The following PLXNA2 variants were observed in gnomAD, a reference collection of about 807,000 sequenced individuals.
PLXNA2 encodes plexin A2.
PLXNA2 carries 91 observed loss-of-function variants against 193.5 expected under a neutral mutation model. The observed-to-expected ratio is 0.47, with a 90% CI of 0.40 to 0.56. The LOEUF is 0.56. PLXNA2 is among the 20% of genes least tolerant of loss of function. The pLI is 0.00. For missense variants in PLXNA2, 1,995 were observed against 2,503.2 expected (o/e 0.80, Z 4.33); for synonymous variants, 997 against 1,027.3 (o/e 0.97, Z 0.56).
intron 3 of PLXNA2, among the ~76,000 whole-genome samples, chr1:208,170,267 G>T (rs1669448638): frequency 6.6e-6 from 1 of 152,232 alleles, no homozygotes; most frequent in Non-Finnish European, 1.5e-5. Flanking sequence ...GAGACAGAGT[G>T]TCATTTATCT....
At chr1:208,170,996 G>A (rs1669478066) in intron 3 of PLXNA2, among the ~76,000 whole-genome samples, 1 of 152,230 alleles carries the variant, frequency 6.6e-6, no homozygotes, top group Non-Finnish European at 1.5e-5. Context: ...AGGGATATCA[G>A]TGGAGGCTGA....
At chr1:208,091,287 G>A (rs1571905338) in intron 9 of PLXNA2, among the ~76,000 whole-genome samples, 2 of 152,266 alleles carry the variant, frequency 1.3e-5, no homozygotes, top group East Asian at 3.9e-4. Context: ...AGAGTTCAAA[G>A]GGGTATGTGT....
intron 5 of PLXNA2, among the ~76,000 whole-genome samples, chr1:208,100,536 G>T (rs1469853237): frequency 2.0e-5 from 3 of 152,072 alleles, no homozygotes; most frequent in South Asian, 4.1e-4. Flanking sequence ...TTCCTCCAGA[G>T]AAATTTTTAA....
At chr1:208,138,996 C>T (rs1668387625) in intron 4 of PLXNA2, among the ~76,000 whole-genome samples, 2 of 152,224 alleles carry the variant, frequency 1.3e-5, no homozygotes, top group Admixed American at 1.3e-4. Context: ...CACTGCACCA[C>T]AGCCTGGGTG....
chr1:208,052,892 C>T (rs1203314930), intron 14 of PLXNA2, among the ~76,000 whole-genome samples: 2 of 151,986 alleles, frequency 1.3e-5, no homozygotes, highest in African/African-American at 4.8e-5. Flanking sequence ...GGCTAAAGTC[C>T]TCCATTAATG....
At position 208,026,690 on chromosome 1, in the gene PLXNA2, A is replaced by G. The variant is rs1571835192; in HGVS notation, c.*553T>C. ...TTTTTAATTTCAAGGAAAAGGAGAC[A>G]GTCATTTTCTCTCCAATGTCTCTCA... On this transcript the variant is annotated 3_prime_UTR_variant, in exon 32 of 32. Transcript: ENST00000367033. 6.7e-6 allele frequency: 1 copy of G among 148,408 alleles called. No individual in the cohort carries two copies. Among genetic ancestry groups the G allele is most frequent in the Admixed American group, 6.8e-5 (1 of 14,780 alleles). 9.2% of individuals were successfully genotyped at this position (148,408 alleles called of 1,614,324 possible). A position where few individuals can be genotyped will look rare whatever the true frequency, so the allele number is the denominator to read the frequency against.
At position 208,031,707 on chromosome 1, in the gene PLXNA2, A is replaced by T; in HGVS notation, c.5108T>A (p.Val1703Glu). 6.2e-7 allele frequency: 1 copy of T among 1,613,278 alleles called. No individual in the cohort carries two copies. The highest frequency in any genetic ancestry group is 8.5e-7 in the Non-Finnish European group (1 of 1,179,780). ...DDLFETLFST[V>E]HRGSALPLAI... The stretch of plus-strand genomic sequence containing the variant: ...CAGGGGGAGAGCGCTGCCCCGGTGC[A>T]CAGTGCTGAACAAGGTCTCAAACAA... Residue 1703 changes from valine to glutamate, a missense_variant, in exon 29 of 32, where the codon GTG becomes GAG. By Grantham distance (121) the Val-to-Glu change is moderately radical. Around this residue, in one of 3 missense-constraint regions of PLXNA2, gnomAD observed 1,291 missense variants for 1,673.6 expected, o/e 0.77. Transcript: ENST00000367033.
At chr1:208,128,037 G>T (rs1364010393) in intron 4 of PLXNA2, among the ~76,000 whole-genome samples, 1 of 152,212 alleles carries the variant, frequency 6.6e-6, no homozygotes, top group African/African-American at 2.4e-5. Context: ...GCTGATGGAG[G>T]GCTGGGAGAG....
At chr1:208,047,881 A>C (rs886341020) in intron 17 of PLXNA2, among the ~76,000 whole-genome samples, 2 of 152,196 alleles carry the variant, frequency 1.3e-5, no homozygotes, top group African/African-American at 4.8e-5. Context: ...CTGTAGTGGG[A>C]GGGAGTACAC....
At chr1:208,104,890 T>C (rs1667211151) in intron 4 of PLXNA2, among the ~76,000 whole-genome samples, 1 of 152,204 alleles carries the variant, frequency 6.6e-6, no homozygotes, top group African/African-American at 2.4e-5. Flanking sequence ...ACTGGTACTA[T>C]AAGTTTAAGA....
intron 1 of PLXNA2, among the ~76,000 whole-genome samples, chr1:208,233,760 T>C (rs1018749026): frequency 1.3e-5 from 2 of 152,214 alleles, no homozygotes; most frequent in Non-Finnish European, 2.9e-5. Flanking sequence ...GCTGAGTCTA[T>C]AGAGACTGAA....
chr1:208,094,331 G>A (rs1666807713), intron 8 of PLXNA2, among the ~76,000 whole-genome samples: 1 of 152,168 alleles, frequency 6.6e-6, no homozygotes, highest in South Asian at 2.1e-4. Context: ...TTAAAAGGAG[G>A]GGACTATACT....
At chr1:208,027,427 T>A in intron 31 of PLXNA2, 89 bp from the exon 32 acceptor site, 2 of 988,486 alleles carry the variant, frequency 2.0e-6, no homozygotes, top group Non-Finnish European at 3.1e-6. Flanking sequence ...GCCCTCTGTC[T>A]ACCTTTCCAT....
At chr1:208,190,949 T>C (rs1405598641) in intron 3 of PLXNA2, among the ~76,000 whole-genome samples, 1 of 152,180 alleles carries the variant, frequency 6.6e-6, no homozygotes, top group Non-Finnish European at 1.5e-5. Flanking sequence ...GATGGAATCC[T>C]CTGTAGTTGT....
At position 208,050,897 on chromosome 1, in the gene PLXNA2, T is replaced by C; in HGVS notation, c.3255+112A>G. 4.0e-6 allele frequency: 3 copies of C among 742,592 alleles called. No homozygotes were observed. The South Asian group carries it at 5.0e-5, about 12-fold the overall frequency. The allele number at this position is 742,592 out of a possible 1,614,324, so 46.0% of individuals were successfully genotyped here. On this transcript the variant is annotated intron_variant, in intron 17 of 31. Coordinates refer to ENST00000367033, the MANE Select transcript of PLXNA2 (RefSeq NM_025179.4). The stretch of plus-strand genomic sequence containing the variant: ...CCAGGCTCAGAGTCTTAAGCCAGTT[T>C]TCCTCTCCAGTATTCAGAGGCTCCA...
intron 3 of PLXNA2, among the ~76,000 whole-genome samples, chr1:208,195,750 T>C (rs1670338360): frequency 6.6e-6 from 1 of 151,916 alleles, no homozygotes; most frequent in African/African-American, 2.4e-5. Flanking sequence ...TCTGCTGAGC[T>C]CAGACATAAA....
rs200820675 is a variant in PLXNA2 at position 208,210,381 on chromosome 1, G to T, written c.1270C>A (p.Leu424Met). The T allele has an allele frequency of 6.2e-7, 1 of 1,614,034 alleles. No individual in the cohort carries two copies. The highest frequency in any genetic ancestry group is 2.2e-5 in the East Asian group (1 of 44,856). The stretch of plus-strand genomic sequence containing the variant: ...ATGCGGTCCCTGCTGGTGGTGTACA[G>T]GGTCAGGCCCTCCACTGGAGTTGAG... Reference protein sequence around the residue: ...GGSTPVEGLTLYTTSRDRMTS... With the variant: ...GGSTPVEGLTMYTTSRDRMTS... Residue 424 changes from leucine (L) to methionine (M), a missense_variant, in exon 3 of 32, where the codon CTG becomes ATG. Transcript: ENST00000367033.
At chr1:208,095,422 A>G (rs1666849132) in intron 8 of PLXNA2, among the ~76,000 whole-genome samples, 1 of 152,178 alleles carries the variant, frequency 6.6e-6, no homozygotes, top group Admixed American at 6.5e-5. Context: ...CGTAGAACTA[A>G]AGTCAAGCCC....
At chr1:208,114,940 A>G (rs1348861146) in intron 4 of PLXNA2, among the ~76,000 whole-genome samples, 1 of 152,218 alleles carries the variant, frequency 6.6e-6, no homozygotes, top group Non-Finnish European at 1.5e-5. Flanking sequence ...GGGAAACAAG[A>G]GTCTCCTATA....
Sources: allele counts gnomAD v4.1 joint callset (sites outside exome capture counted in the v4.1 genomes callset), GRCh38; gene constraint gnomAD v4.1.1; regional missense constraint gnomAD v4.1.1; transcripts MANE v1.5; gene names NCBI Gene and HGNC (gene_info 2026-07-23, HGNC 2026-07-21).